Variants in PPP2R5E observed in about 807,000 individuals in gnomAD.
PPP2R5E encodes serine/threonine-protein phosphatase 2A 56 kDa regulatory subunit epsilon isoform.
A neutral mutation model predicts 65.3 loss-of-function variants in PPP2R5E; 4 were observed. The ratio of observed to expected loss-of-function variants is 0.06; its 90% CI spans 0.03 to 0.14. The LOEUF (loss-of-function observed/expected upper bound fraction) is 0.14. Among genes scored for constraint, PPP2R5E ranks in the 10% least tolerant of loss-of-function variants. The pLI is 1.00. For synonymous variants in PPP2R5E, 183 were observed against 187.4 expected (o/e 0.98, Z 0.19); for missense variants, 274 against 556.1 (o/e 0.49, Z 5.10).
At position 63,489,151 on chromosome 14, in the gene PPP2R5E, CTTTGA is replaced by C. The variant is rs749566479; in HGVS notation, c.158-35271_158-35267del. ...TATTGGATTTTTGGTTTTGTTCTTGCTTTGATTTAATTACTTTTTGCATTAATTTG... is the reference window on the plus strand; with the variant it reads ...TATTGGATTTTTGGTTTTGTTCTTGCTTTAATTACTTTTTGCATTAATTTG... On this transcript the variant is annotated intron_variant, in intron 2 of 13. Coordinates refer to ENST00000337537, the MANE Select transcript of PPP2R5E (RefSeq NM_006246.5). 2.8e-3 allele frequency among the ~76,000 whole-genome samples: 429 copies of C among 151,864 alleles called. 4 individuals carry two copies. Among genetic ancestry groups the C allele is most frequent in the Non-Finnish European group, 3.5e-3 (241 of 67,924 alleles).
At chr14:63,492,350 A>G (rs1350077017) in intron 2 of PPP2R5E, among the ~76,000 whole-genome samples, 1 of 152,108 alleles carries the variant, frequency 6.6e-6, no homozygotes, top group Non-Finnish European at 1.5e-5. Context: ...CCAGTTAAGG[A>G]CTCAAAAATT....
intron 2 of PPP2R5E, among the ~76,000 whole-genome samples, chr14:63,482,990 G>A (rs1890789582): frequency 6.6e-6 from 1 of 152,130 alleles, no homozygotes; most frequent in Admixed American, 6.6e-5. Context: ...AGGATGCACA[G>A]ATAATAAACA....
At chr14:63,521,148 G>A (rs1264203515) in intron 2 of PPP2R5E, among the ~76,000 whole-genome samples, 2 of 152,122 alleles carry the variant, frequency 1.3e-5, no homozygotes, top group Non-Finnish European at 2.9e-5. Flanking sequence ...AGTATCTAAA[G>A]CATATACCAT....
At chr14:63,462,571 C>A (rs542073331) in intron 2 of PPP2R5E, among the ~76,000 whole-genome samples, 2 of 152,176 alleles carry the variant, frequency 1.3e-5, no homozygotes, top group South Asian at 2.1e-4. Context: ...TTTTAATAAA[C>A]TGTTCGTATC....
chr14:63,386,038 A>G lies in PPP2R5E; in HGVS notation c.1075-1467T>C, dbSNP rs565467976. Among the ~76,000 whole-genome samples the G allele has an allele frequency of 2.0e-5, 3 of 152,370 alleles. No homozygotes were observed. In the South Asian group the frequency reaches 6.2e-4, roughly 32 times the overall value. ...CCTAAAATCTCTAAAAAGGGTAGTTACAGGGGAAAAGGGAAAAAGGGGTGG... is the reference window on the plus strand; with the variant it reads ...CCTAAAATCTCTAAAAAGGGTAGTTGCAGGGGAAAAGGGAAAAAGGGGTGG... On this transcript the variant is annotated intron_variant, in intron 11 of 13. Transcript: ENST00000337537.
At chr14:63,396,772 G>A in intron 5 of PPP2R5E, 56 bp from the exon 6 acceptor site, 1 of 1,582,120 alleles carries the variant, frequency 6.3e-7, no homozygotes, top group Admixed American at 1.8e-5. Flanking sequence ...AAAGGATTTA[G>A]GAATTCTATT....
At chr14:63,381,368 A>C (rs1421194971) in intron 13 of PPP2R5E, among the ~76,000 whole-genome samples, 1 of 152,180 alleles carries the variant, frequency 6.6e-6, no homozygotes, top group Non-Finnish European at 1.5e-5. Context: ...ATTGGAGTGA[A>C]GTACAAGATC....
chr14:63,462,862 G>A (rs186172165), intron 2 of PPP2R5E, among the ~76,000 whole-genome samples: 2,510 of 152,026 alleles, frequency 0.017, 58 homozygotes, highest in African/African-American at 0.057. Flanking sequence ...CAGCACTTTG[G>A]GAGGCCGAGG....
At chr14:63,402,859 A>C (rs967790550) in intron 5 of PPP2R5E, among the ~76,000 whole-genome samples, 3 of 152,210 alleles carry the variant, frequency 2.0e-5, no homozygotes, top group African/African-American at 4.8e-5. Context: ...TTTCCAACAA[A>C]AAAAAAGTCA....
At chr14:63,529,527 GT>G (rs932660884) in intron 2 of PPP2R5E, among the ~76,000 whole-genome samples, 10 of 150,798 alleles carry the variant, frequency 6.6e-5, no homozygotes, top group African/African-American at 1.9e-4. Context: ...CGCCCGGCTA[GT>G]TTTTTTTTGT....
At chr14:63,436,819 C>T (rs933676525) in intron 3 of PPP2R5E, among the ~76,000 whole-genome samples, 1 of 152,206 alleles carries the variant, frequency 6.6e-6, no homozygotes, top group South Asian at 2.1e-4. Context: ...TTAAACACCA[C>T]TGCCTTCTGA....
intron 2 of PPP2R5E, among the ~76,000 whole-genome samples, chr14:63,460,824 G>C (rs910449989): frequency 1.3e-5 from 2 of 152,138 alleles, no homozygotes; most frequent in South Asian, 2.1e-4. Context: ...CATGATTCAG[G>C]GCTTTCGTGT....
chr14:63,455,158 C>T (rs930745138), intron 2 of PPP2R5E, among the ~76,000 whole-genome samples: 5 of 152,214 alleles, frequency 3.3e-5, no homozygotes, highest in Non-Finnish European at 5.9e-5. Context: ...ACAGCACCCC[C>T]CTTACAGCCA....
intron 2 of PPP2R5E, among the ~76,000 whole-genome samples, chr14:63,507,567 G>C (rs1187518229): frequency 3.4e-5 from 5 of 149,144 alleles, no homozygotes; most frequent in Non-Finnish European, 7.4e-5. Context: ...TGCAGCAAGG[G>C]TAATTCTCTT....
At chr14:63,430,413 A>ACATG (rs1555359712) in intron 3 of PPP2R5E, among the ~76,000 whole-genome samples, 7 of 143,468 alleles carry the variant, frequency 4.9e-5, no homozygotes, top group African/African-American at 1.9e-4. Context: ...ATACATACAT[A>ACATG]CATACATGCA....
intron 5 of PPP2R5E, among the ~76,000 whole-genome samples, chr14:63,400,570 GTCC>G (rs1181507374): frequency 6.6e-6 from 1 of 151,994 alleles, no homozygotes; most frequent in Non-Finnish European, 1.5e-5. Flanking sequence ...GCCAGCGATG[GTCC>G]TCATTGCTGG....
chr14:63,470,178 C>T (rs927420877), intron 2 of PPP2R5E, among the ~76,000 whole-genome samples: 4 of 152,086 alleles, frequency 2.6e-5, no homozygotes, highest in African/African-American at 9.7e-5. Flanking sequence ...CTGAAGCAAT[C>T]CTCCCATTTC....
intron 2 of PPP2R5E, among the ~76,000 whole-genome samples, chr14:63,472,745 T>C (rs1162943223): frequency 6.6e-6 from 1 of 152,120 alleles, no homozygotes; most frequent in Admixed American, 6.5e-5. Flanking sequence ...TAAGAAGATA[T>C]GCATGTCTAG....
intron 2 of PPP2R5E, among the ~76,000 whole-genome samples, chr14:63,530,465 T>A (rs2139755585): frequency 6.6e-6 from 1 of 151,776 alleles, no homozygotes; most frequent in African/African-American, 2.4e-5. Context: ...ACTTCTGACC[T>A]CAGGTGATCT....
Sources: allele counts gnomAD v4.1 joint callset (sites outside exome capture counted in the v4.1 genomes callset), GRCh38; gene constraint gnomAD v4.1.1; transcripts MANE v1.5; gene names NCBI Gene and HGNC (gene_info 2026-07-23, HGNC 2026-07-21).